The following NRBF2 variants were observed in gnomAD, a reference collection of about 807,000 sequenced individuals.
The protein encoded by NRBF2 is nuclear receptor binding factor 2.
In NRBF2, 12 loss-of-function variants were observed where a neutral mutation model predicts 28.5. The observed-to-expected ratio is 0.42, with a 90% confidence interval of 0.27 to 0.68. The LOEUF is 0.68. Among genes scored for constraint, NRBF2 ranks in the 30% least tolerant of loss-of-function variants. NRBF2 has a pLI of 0.24. For missense variants in NRBF2, 274 were observed against 333.5 expected (o/e 0.82, Z 1.39); for synonymous variants, 102 against 116.5 (o/e 0.88, Z 0.80).
At position 63,154,687 on chromosome 10, in the gene NRBF2, T is replaced by A. The variant is rs1240248318; in HGVS notation, c.*469T>A. On this transcript the variant is annotated 3_prime_UTR_variant, in exon 4 of 4. Transcript: ENST00000277746. ...CTGTATGCATTTTGTTAATGCACATTCTGTTTGTTTAAGGTGTGTAAGATA... is the reference window on the plus strand; with the variant it reads ...CTGTATGCATTTTGTTAATGCACATACTGTTTGTTTAAGGTGTGTAAGATA... 1 of 156,084 alleles carries A rather than the reference T, an allele frequency of 6.4e-6. No homozygotes were observed. Among genetic ancestry groups the A allele is most frequent in the Non-Finnish European group, 1.4e-5 (1 of 70,364 alleles). The allele number at this position is 156,084 out of a possible 1,614,324, so 9.7% of individuals were successfully genotyped here.
chr10:63,150,387 C>A, intron 2 of NRBF2: 2 of 977,656 alleles, frequency 2.0e-6, no homozygotes, highest in Non-Finnish European at 2.4e-6. Context: ...GACTGTATAA[C>A]CAACTCTGTT....
chr10:63,139,396 T>C (rs1409033556), intron 1 of NRBF2, among the ~76,000 whole-genome samples: 1 of 152,186 alleles, frequency 6.6e-6, no homozygotes, highest in African/African-American at 2.4e-5. Context: ...ACTGTTTTCT[T>C]TTGGGAAAGA....
At chr10:63,142,293 G>GTTTTT (rs1261835924) in intron 1 of NRBF2, among the ~76,000 whole-genome samples, 16 of 135,612 alleles carry the variant, frequency 1.2e-4, no homozygotes, top group East Asian at 6.9e-4. Flanking sequence ...CAGAACCTTT[G>GTTTTT]TTTTTTTTGT....
intron 2 of NRBF2, among the ~76,000 whole-genome samples, chr10:63,151,934 TAAC>T (rs1841657459): frequency 6.6e-6 from 1 of 152,202 alleles, no homozygotes. Context: ...GAGTTTTAAA[TAAC>T]AAAACCTTCA....
chr10:63,153,351 G>C (rs1426825649), intron 3 of NRBF2, among the ~76,000 whole-genome samples, 160 bp from the exon 4 acceptor site: 2 of 152,200 alleles, frequency 1.3e-5, no homozygotes, highest in African/African-American at 4.8e-5. Context: ...TATTGATTGG[G>C]AATAGGACTT....
chr10:63,145,778 CATG>C (rs1841551315), intron 1 of NRBF2, among the ~76,000 whole-genome samples: 1 of 152,176 alleles, frequency 6.6e-6, no homozygotes, highest in African/African-American at 2.4e-5. Flanking sequence ...GATTTTACTA[CATG>C]ATGAGTGATT....
intron 1 of NRBF2, among the ~76,000 whole-genome samples, chr10:63,145,751 G>A (rs1391825652): frequency 6.6e-6 from 1 of 152,172 alleles, no homozygotes; most frequent in Non-Finnish European, 1.5e-5. Flanking sequence ...AGAATGAGAT[G>A]ATAGAAGAGA....
rs1355925691 is a variant in NRBF2, at chr10:63,154,990, TTATTG to T, written c.*775_*779del. On this transcript the variant is annotated 3_prime_UTR_variant, in exon 4 of 4. Transcript: ENST00000277746. Reference sequence around the variant, plus strand: ...GGACGTAATGCTAGTTGGCAGTATTTTATTGTAAGAAATCAATAAAGTAATTGTGT... The same window carrying T: ...GGACGTAATGCTAGTTGGCAGTATTTTAAGAAATCAATAAAGTAATTGTGT... 1 of 152,386 alleles carries T rather than the reference TTATTG, an allele frequency of 6.6e-6. No homozygotes were observed. The highest frequency in any genetic ancestry group is 1.5e-5 in the Non-Finnish European group (1 of 68,040). The allele number at this position is 152,386 out of a possible 1,614,324, so 9.4% of individuals were successfully genotyped here. A position where few individuals can be genotyped will look rare whatever the true frequency, so the allele number is the denominator to read the frequency against.
rs1841708716 is a variant in NRBF2, at chr10:63,154,812, AGAAAG to A, written c.*598_*602del. On this transcript the variant is annotated 3_prime_UTR_variant, in exon 4 of 4. Coordinates refer to ENST00000277746, the MANE Select transcript of NRBF2 (RefSeq NM_030759.5). The stretch of plus-strand genomic sequence containing the variant: ...AAATATTTAAATTTCCATTTTATGA[AGAAAG>A]GAACCAAATTATTATGCTTTTTAAA... 1 of 152,678 alleles carries A rather than the reference AGAAAG, an allele frequency of 6.5e-6. No individual in the cohort carries two copies. The highest frequency in any genetic ancestry group is 2.4e-5 in the African/African-American group (1 of 41,460). 9.5% of individuals were successfully genotyped at this position (152,678 alleles called of 1,614,324 possible).
At chr10:63,138,686 G>A (rs1271151002) in intron 1 of NRBF2, among the ~76,000 whole-genome samples, 1 of 150,900 alleles carries the variant, frequency 6.6e-6, no homozygotes, top group Non-Finnish European at 1.5e-5. Flanking sequence ...AGAGCTTGCA[G>A]TGAGCCAAGA....
intron 1 of NRBF2, among the ~76,000 whole-genome samples, chr10:63,145,536 G>A (rs1433343651): frequency 6.6e-6 from 1 of 152,226 alleles, no homozygotes; most frequent in Admixed American, 6.5e-5. Flanking sequence ...TTATTAAAGT[G>A]TAAGGAGGCC....
Position 63,149,248 on chromosome 10 carries a change from C to A in NRBF2, c.116-2902C>A, listed in dbSNP as rs144055608. ...TCTTCTGCCTCAGCCTCCCAAGTAG[C>A]TGGGACTACAGGCATGCGCCATCAC... is the stretch of plus-strand genomic sequence containing the variant. On this transcript the variant is annotated intron_variant, in intron 2 of 3. Transcript: ENST00000277746. Among the ~76,000 whole-genome samples, 1,091 of 152,316 alleles carry A rather than the reference C, an allele frequency of 7.2e-3. 17 individuals carry two copies. Among genetic ancestry groups the A allele is most frequent in the African/African-American group, 0.025 (1,034 of 41,560 alleles).
intron 3 of NRBF2, 99 bp from the exon 4 acceptor site, chr10:63,153,412 G>T (rs1841679183): frequency 2.3e-6 from 2 of 883,976 alleles, no homozygotes; most frequent in Admixed American, 5.7e-5. Flanking sequence ...TAAATTGTAA[G>T]TGTTGGGTTA....
chr10:63,145,101 CTTTTTTTTTTT>C (rs34823556), intron 1 of NRBF2, among the ~76,000 whole-genome samples: 2 of 85,910 alleles, frequency 2.3e-5, no homozygotes, highest in Non-Finnish European at 4.2e-5. Context: ...TATATTAAAG[CTTTTTTTTTTT>C]TTTTTTTTTT....
At chr10:63,150,120 T>G (rs1022628017) in intron 2 of NRBF2, among the ~76,000 whole-genome samples, 1 of 151,470 alleles carries the variant, frequency 6.6e-6, no homozygotes, top group South Asian at 2.1e-4. Flanking sequence ...TTTTGTATTT[T>G]TTTTTTTTTT....
Position 63,153,918 on chromosome 10 carries a change from G to A in NRBF2, c.564G>A (p.Glu188=), listed in dbSNP as rs201703767. The part of the protein sequence containing the change: ...LKRHVEFLVA[E]NERLRKENKQ... ...GGCATGTGGAATTCCTTGTGGCTGA[G>A]AATGAAAGATTAAGGAAAGAAAATA... The change falls in exon 4 of 4, where the codon GAG becomes GAA. Residue 188 remains glutamate, a synonymous_variant. Coordinates refer to ENST00000277746, the MANE Select transcript of NRBF2 (RefSeq NM_030759.5). The A allele has an allele frequency of 6.2e-7, 1 of 1,611,932 alleles. No individual in the cohort carries two copies. Among genetic ancestry groups the A allele is most frequent in the Non-Finnish European group, 8.5e-7 (1 of 1,179,820 alleles).
In NRBF2 at chr10:63,146,195, T is replaced by A; in HGVS notation, c.31-14T>A. The A allele has an allele frequency of 6.2e-7, 1 of 1,604,648 alleles. No homozygotes were observed. Among genetic ancestry groups the A allele is most frequent in the South Asian group, 1.1e-5 (1 of 90,746 alleles). On this transcript the variant is annotated splice_polypyrimidine_tract_variant and intron_variant, in intron 1 of 3. Coordinates refer to ENST00000277746, the MANE Select transcript of NRBF2 (RefSeq NM_030759.5). Reference sequence around the variant, plus strand: ...TTTATGATCCAGAGGAACTTAGGGATGTTTGTCTTCTAGGCTCATCAACAG... The same window carrying A: ...TTTATGATCCAGAGGAACTTAGGGAAGTTTGTCTTCTAGGCTCATCAACAG...
rs1476868587 is a variant in NRBF2, at chr10:63,154,207, A to G, written c.853A>G (p.Met285Val). The change falls in exon 4 of 4, where the codon ATG becomes GTG. Residue 285 changes from methionine to valine, a missense_variant. Physicochemically the swap from Met to Val is conservative, Grantham distance 21. Transcript: ENST00000277746. ...ELSEDILKGF[M>V]NN ...CTCTGAGGATATTCTGAAAGGATTT[A>G]TGAATAATTAAAATGGAAGGCCACA... 1.3e-6 allele frequency: 2 copies of G among 1,563,364 alleles called. No individual in the cohort carries two copies. The highest frequency in any genetic ancestry group is 3.6e-5 in the Admixed American group (2 of 55,654).
intron 1 of NRBF2, among the ~76,000 whole-genome samples, chr10:63,135,349 A>G (rs1475755648): frequency 1.3e-5 from 2 of 152,212 alleles, no homozygotes; most frequent in African/African-American, 4.8e-5. Context: ...TTGCCAAATG[A>G]GCATTGGTTC....
Sources: gnomAD v4.1 joint callset for allele counts (sites outside exome capture counted in the v4.1 genomes callset) on GRCh38, gnomAD v4.1.1 for gene constraint, MANE v1.5 for transcripts, NCBI Gene and HGNC (gene_info 2026-07-23, HGNC 2026-07-21) for gene names.